Variants in BAZ2A observed in about 807,000 individuals in gnomAD.
BAZ2A encodes bromodomain adjacent to zinc finger domain protein 2A.
Under a neutral mutation model 199.9 loss-of-function variants are expected in BAZ2A, and 34 were observed. That is an observed-to-expected ratio of 0.17 (90% CI 0.13 to 0.23). The LOEUF (loss-of-function observed/expected upper bound fraction) is 0.23. Ranked by LOEUF, BAZ2A falls within the 10% of genes least tolerant of loss-of-function variation. The pLI is 1.00. For synonymous variants in BAZ2A, 857 were observed against 883.9 expected (o/e 0.97, Z 0.54); for missense variants, 2,002 against 2,391.1 (o/e 0.84, Z 3.39).
At chr12:56,612,296 A>G in intron 5 of BAZ2A, 50 bp from the exon 6 acceptor site, 1 of 1,465,850 alleles carries the variant, frequency 6.8e-7, no homozygotes, top group East Asian at 2.3e-5. Context: ...AAGGCATCAC[A>G]TAAAACAAGA....
At chr12:56,610,365 C>G (rs753942636) in intron 8 of BAZ2A, 44 bp downstream of exon 8, 1 of 1,595,690 alleles carries the variant, frequency 6.3e-7, no homozygotes, top group South Asian at 1.1e-5. Flanking sequence ...GGAAAGGAGT[C>G]CACTGAGCCC....
chr12:56,636,155 T>C (rs1180948403), intron 1 of BAZ2A: 2 of 1,584,504 alleles, frequency 1.3e-6, no homozygotes, highest in Non-Finnish European at 1.7e-6. Context: ...CCCTCAGGCC[T>C]TCCCCGGGGC....
intron 1 of BAZ2A, among the ~76,000 whole-genome samples, chr12:56,620,708 C>T (rs1256352083): frequency 5.9e-5 from 9 of 151,942 alleles, no homozygotes; most frequent in African/African-American, 1.7e-4. Flanking sequence ...TACAGGCACC[C>T]GCCAACACGC....
chr12:56,596,089 G>T lies in BAZ2A; in HGVS notation c.*2529C>A, dbSNP rs1885789997. The T allele has an allele frequency of 6.6e-6, 1 of 152,634 alleles. No individual in the cohort carries two copies. Among genetic ancestry groups the T allele is most frequent in the South Asian group, 2.1e-4 (1 of 4,838 alleles). 9.5% of individuals were successfully genotyped at this position (152,634 alleles called of 1,614,324 possible). A position where few individuals can be genotyped will look rare whatever the true frequency, so the allele number is the denominator to read the frequency against. Reference sequence around the variant, plus strand: ...GAGATTGGTCCTAAAAATATAGAAAGAAATAAATTTAAATTCACAAAAAAC... The same window carrying T: ...GAGATTGGTCCTAAAAATATAGAAATAAATAAATTTAAATTCACAAAAAAC... On this transcript the variant is annotated 3_prime_UTR_variant, in exon 29 of 29. Transcript: ENST00000549884.
Position 56,612,316 on chromosome 12 carries a change from C to T in BAZ2A, c.1136-70G>A. The T allele has an allele frequency of 2.2e-6, 3 of 1,367,946 alleles. No homozygotes were observed. The South Asian group carries it at 4.1e-5, about 19-fold the overall frequency. 84.7% of individuals were successfully genotyped at this position (1,367,946 alleles called of 1,614,324 possible). ...ATCACATAAAACAAGAGAATCTACT[C>T]AGTCAACCCTGGACCAAGCTAAACA... On this transcript the variant is annotated intron_variant, in intron 5 of 28. Coordinates refer to ENST00000549884, the MANE Select transcript of BAZ2A (RefSeq NM_001300905.2).
chr12:56,628,903 T>C (rs570585773), intron 1 of BAZ2A, among the ~76,000 whole-genome samples: 1 of 152,160 alleles, frequency 6.6e-6, no homozygotes, highest in African/African-American at 2.4e-5. Flanking sequence ...TGAGTTTGCT[T>C]CTCTATGACC....
chr12:56,623,014 A>C (rs1267016282), intron 1 of BAZ2A, among the ~76,000 whole-genome samples: 1 of 152,124 alleles, frequency 6.6e-6, no homozygotes, highest in East Asian at 1.9e-4. Flanking sequence ...AGGTGAGCGG[A>C]TCACGAGGTC....
In BAZ2A at chr12:56,599,634, G is replaced by C. The variant is rs1886222261; in HGVS notation, c.5172+68C>G. ...TACCCAGTCTAGGACTCTTTCCAAGGAGAGGAGAGATTGAGGATAATCTCT... is the reference window on the plus strand; with the variant it reads ...TACCCAGTCTAGGACTCTTTCCAAGCAGAGGAGAGATTGAGGATAATCTCT... On this transcript the variant is annotated intron_variant, in intron 26 of 28. Transcript: ENST00000549884. The C allele has an allele frequency of 1.4e-5, 22 of 1,605,000 alleles. No individual in the cohort carries two copies. The East Asian group carries it at 4.7e-4, about 34-fold the overall frequency.
rs188842035 is a variant in BAZ2A at position 56,620,231 on chromosome 12, T to C, written c.-2-2699A>G. On this transcript the variant is annotated intron_variant, in intron 1 of 28. Transcript: ENST00000549884. ...TTTTAAGAAAGTTTACAAATTGGTA[T>C]TGGGCCAGATTCAAAGTTGTCCTGG... 1.1e-4 allele frequency among the ~76,000 whole-genome samples: 16 copies of C among 151,992 alleles called. 1 individual carries two copies. In the East Asian group the frequency reaches 1.7e-3, roughly 17 times the overall value.
chr12:56,608,553 C>T (rs1950444745), intron 10 of BAZ2A, among the ~76,000 whole-genome samples: 1 of 151,606 alleles, frequency 6.6e-6, no homozygotes, highest in Admixed American at 6.6e-5. Flanking sequence ...TAAAACAGTG[C>T]CTATTATTAT....
At position 56,599,227 on chromosome 12, in the gene BAZ2A, G is replaced by A. The variant is rs750208210; in HGVS notation, c.5304C>T (p.Ser1768=). 8.7e-6 allele frequency: 14 copies of A among 1,613,068 alleles called. No individual in the cohort carries two copies. The highest frequency in any genetic ancestry group is 1.2e-5 in the Non-Finnish European group (14 of 1,179,704). ...RRRVLLRGRE[S]PAAGPRYSEE... ...CCGAGTACCGAGGCCCTGCTGCTGG[G>A]CTTTCTCGGCCCCTCAACAGTACCC... is the stretch of plus-strand genomic sequence containing the variant. The change falls in exon 27 of 29, where the codon AGC becomes AGT. Residue 1768 remains serine (S), a synonymous_variant. Transcript: ENST00000549884.
At position 56,615,498 on chromosome 12, in the gene BAZ2A, G is replaced by A; in HGVS notation, c.246C>T (p.His82=). The change falls in exon 3 of 29, where the codon CAC becomes CAT. Residue 82 remains histidine (H), a synonymous_variant. Coordinates refer to ENST00000549884, the MANE Select transcript of BAZ2A (RefSeq NM_001300905.2). ...PHSSSTSHLH[H]PSVAYDCLWN... ...AGAGACAGTCGTAGGCCACGCTGGG[G>A]TGATGGAGGTGTGAGGTGCTGGAGG... 1 of 1,613,564 alleles carries A rather than the reference G, an allele frequency of 6.2e-7. No homozygotes were observed. Among genetic ancestry groups the A allele is most frequent in the Non-Finnish European group, 8.5e-7 (1 of 1,179,848 alleles).
chr12:56,624,556 C>T (rs575138402), intron 1 of BAZ2A, among the ~76,000 whole-genome samples: 1 of 150,816 alleles, frequency 6.6e-6, no homozygotes, highest in South Asian at 2.1e-4. Context: ...CCTTTTCTGC[C>T]ACTACCAGCT....
intron 3 of BAZ2A, among the ~76,000 whole-genome samples, chr12:56,614,489 A>G (rs993579925): frequency 6.6e-6 from 1 of 152,178 alleles, no homozygotes; most frequent in African/African-American, 2.4e-5. Flanking sequence ...GCTTTTATCT[A>G]TTTTGAGGGA....
chr12:56,609,992 G>A, intron 9 of BAZ2A, 46 bp from the exon 10 acceptor site: 3 of 1,606,468 alleles, frequency 1.9e-6, no homozygotes. Context: ...AATCAGTGCA[G>A]GCCACGAGGC....
rs1951433378 is a variant in BAZ2A at position 56,635,729 on chromosome 12, G to A, written c.4+453C>T. On this transcript the variant is annotated intron_variant, in intron 1 of 29. Transcript: ENST00000379441. The surrounding 1 kb of genome is among the most constrained non-coding windows in gnomAD (Gnocchi z 4.1). Reference sequence around the variant, plus strand: ...TGCTCAGTGCAGCCCCCACCTGAAGGTGGGTCAAGGTGGGGGAGGAGAGAA... The same window carrying A: ...TGCTCAGTGCAGCCCCCACCTGAAGATGGGTCAAGGTGGGGGAGGAGAGAA... Among the ~76,000 whole-genome samples, 1 of 152,142 alleles carries A rather than the reference G, an allele frequency of 6.6e-6. No individual in the cohort carries two copies. Among genetic ancestry groups the A allele is most frequent in the South Asian group, 2.1e-4 (1 of 4,816 alleles).
upstream of BAZ2A, among the ~76,000 whole-genome samples, chr12:56,631,352 G>C (rs186477012): frequency 6.6e-6 from 1 of 151,326 alleles, no homozygotes; most frequent in East Asian, 1.9e-4. Flanking sequence ...TCAGGAGGCC[G>C]AGGCAAGAGA....
chr12:56,615,426 C>T lies in BAZ2A; in HGVS notation c.318G>A (p.Lys106=). 6.2e-7 allele frequency: 1 copy of T among 1,612,880 alleles called. No homozygotes were observed. Residue 106 remains lysine (K), a synonymous_variant, in exon 3 of 29, where the codon AAG becomes AAA. Transcript: ENST00000549884. ...AGAACTGGGAGAGAAGGGGTGGGTC[C>T]TTGAGGTTGCTGCCAGGATTGGCAG... ...YPSANPGSNL[K]DPPLLSQFSG...
At chr12:56,609,635 TGTTA>T in intron 10 of BAZ2A, 97 bp downstream of exon 10, 1 of 1,232,520 alleles carries the variant, frequency 8.1e-7, no homozygotes, top group Non-Finnish European at 1.2e-6. Context: ...TCCCAGATAA[TGTTA>T]GTTACACTCC....
Sources: allele counts gnomAD v4.1 joint callset (sites outside exome capture counted in the v4.1 genomes callset), GRCh38; gene constraint gnomAD v4.1.1; non-coding constraint Gnocchi (gnomAD v3.1); transcripts MANE v1.5; gene names NCBI Gene and HGNC (gene_info 2026-07-23, HGNC 2026-07-21).